Variants in NELL1 observed in about 807,000 individuals in gnomAD.
NELL1 encodes protein kinase C-binding protein NELL1.
Under a neutral mutation model 107.4 loss-of-function variants are expected in NELL1, and 76 were observed. The ratio of observed to expected loss-of-function variants is 0.71; its 90% CI spans 0.59 to 0.86. NELL1 has a LOEUF of 0.86. NELL1 is among the 40% of genes least tolerant of loss of function. The probability of loss-of-function intolerance (pLI) is 0.00; values close to 1 mark genes in which losing one functional copy is unlikely to be tolerated. For synonymous variants in NELL1, 353 were observed against 341.2 expected (o/e 1.03, Z -0.38); for missense variants, 1,024 against 1,005.5 (o/e 1.02, Z -0.25).
chr11:21,279,559 A>G (rs1162356730), intron 14 of NELL1, among the ~76,000 whole-genome samples: 1 of 152,214 alleles, frequency 6.6e-6, no homozygotes, highest in Non-Finnish European at 1.5e-5. Flanking sequence ...GACATACACT[A>G]CACACCTATT....
intron 13 of NELL1, among the ~76,000 whole-genome samples, chr11:21,184,292 G>T (rs1399971270): frequency 2.0e-5 from 3 of 151,550 alleles, no homozygotes; most frequent in Non-Finnish European, 4.4e-5. Context: ...TTTTTGAGAT[G>T]GAGTCTTGCT....
chr11:20,840,940 C>A (rs1256538527), intron 3 of NELL1, among the ~76,000 whole-genome samples: 1 of 152,154 alleles, frequency 6.6e-6, no homozygotes, highest in Non-Finnish European at 1.5e-5. Flanking sequence ...ATGCCTGCTG[C>A]CATTTCTTTT....
At chr11:20,850,365 G>A (rs1417793194) in intron 4 of NELL1, among the ~76,000 whole-genome samples, 1 of 152,186 alleles carries the variant, frequency 6.6e-6, no homozygotes, top group African/African-American at 2.4e-5. Flanking sequence ...GTAGTGTTCT[G>A]CTGATTAGAG....
intron 12 of NELL1, among the ~76,000 whole-genome samples, chr11:21,091,723 G>A (rs1854525881): frequency 6.6e-6 from 1 of 152,148 alleles, no homozygotes; most frequent in Non-Finnish European, 1.5e-5. Flanking sequence ...CATGTGTGCT[G>A]AGGGTTAAAG....
chr11:21,210,300 A>G (rs1857471924), intron 13 of NELL1, among the ~76,000 whole-genome samples: 1 of 152,158 alleles, frequency 6.6e-6, no homozygotes, highest in Admixed American at 6.6e-5. Flanking sequence ...TGTTTGAGGA[A>G]CTGCCAAACT....
At chr11:20,975,525 A>T (rs1216957046) in intron 12 of NELL1, among the ~76,000 whole-genome samples, 1 of 143,514 alleles carries the variant, frequency 7.0e-6, no homozygotes, top group African/African-American at 2.5e-5. Flanking sequence ...TTTAATATAT[A>T]TTCAATATAT....
chr11:21,108,811 G>T (rs2133720070), intron 12 of NELL1, among the ~76,000 whole-genome samples: 1 of 152,258 alleles, frequency 6.6e-6, no homozygotes, highest in East Asian at 1.9e-4. Context: ...GCACGGAGCA[G>T]AATTGCCATT....
rs936391463 is a variant in NELL1 at position 20,855,073 on chromosome 11, A to G, written c.506+7320A>G. Among the ~76,000 whole-genome samples, 27 of 152,290 alleles carry G rather than the reference A, an allele frequency of 1.8e-4. No individual in the cohort carries two copies. In the East Asian group the frequency reaches 5.0e-3, roughly 28 times the overall value. ...ACTCATGCTATGTACCCTGTGGCGT[A>G]TTCATATCAACCTCGCTAGGTGGAT... On this transcript the variant is annotated intron_variant, in intron 4 of 19. Coordinates refer to ENST00000357134, the MANE Select transcript of NELL1 (RefSeq NM_006157.5).
In NELL1 at chr11:21,575,049, A is replaced by G. The variant is rs1388938904; in HGVS notation, c.*27A>G. ...GTATTTACAGTGGACTCAACGCAGA[A>G]GAATGGACGAAATGACCATCCAACG... On this transcript the variant is annotated 3_prime_UTR_variant, in exon 20 of 20. Coordinates refer to ENST00000357134, the MANE Select transcript of NELL1 (RefSeq NM_006157.5). 6.3e-7 allele frequency: 1 copy of G among 1,578,020 alleles called. No homozygotes were observed. Among genetic ancestry groups the G allele is most frequent in the Non-Finnish European group, 8.7e-7 (1 of 1,148,250 alleles).
chr11:20,818,405 GCTT>G (rs1229586231), intron 3 of NELL1, among the ~76,000 whole-genome samples: 10 of 85,836 alleles, frequency 1.2e-4, no homozygotes, highest in African/African-American at 4.0e-4. Context: ...AGCAACCCCT[GCTT>G]TTTTTTTTTT....
At chr11:21,080,378 C>G (rs147854654) in intron 12 of NELL1, among the ~76,000 whole-genome samples, 1 of 151,922 alleles carries the variant, frequency 6.6e-6, no homozygotes, top group East Asian at 1.9e-4. Context: ...CATGAATATT[C>G]GGAAAATATG....
intron 12 of NELL1, among the ~76,000 whole-genome samples, chr11:21,082,057 G>A (rs957197542): frequency 1.3e-5 from 2 of 152,076 alleles, no homozygotes; most frequent in African/African-American, 2.4e-5. Context: ...AACTATTGTA[G>A]CTTAATACTT....
chr11:21,355,900 T>A (rs1437698705), intron 14 of NELL1, among the ~76,000 whole-genome samples: 1 of 152,168 alleles, frequency 6.6e-6, no homozygotes, highest in Non-Finnish European at 1.5e-5. Context: ...CACTACGTGA[T>A]CTGCACACTT....
intron 5 of NELL1, among the ~76,000 whole-genome samples, chr11:20,914,206 A>T (rs760979007): frequency 2.6e-5 from 4 of 152,122 alleles, no homozygotes; most frequent in Non-Finnish European, 5.9e-5. Context: ...AAGGTTAAGG[A>T]TGCACCCATG....
intron 12 of NELL1, among the ~76,000 whole-genome samples, chr11:21,111,525 C>T (rs964848379): frequency 6.6e-6 from 1 of 152,074 alleles, no homozygotes; most frequent in Non-Finnish European, 1.5e-5. Flanking sequence ...ATTTCTAGCT[C>T]ATGCAACAGG....
In NELL1 at chr11:21,180,107, C is replaced by G. The variant is rs185310708; in HGVS notation, c.1427-49225C>G. ...GGGGGCTCTGGATTTGCCCCCCATG[C>G]CATAGTTTGCAGACAAATTATTTAG... On this transcript the variant is annotated intron_variant, in intron 13 of 19. Coordinates refer to ENST00000357134, the MANE Select transcript of NELL1 (RefSeq NM_006157.5). Among the ~76,000 whole-genome samples, 200 of 151,398 alleles carry G rather than the reference C, an allele frequency of 1.3e-3. 1 individual carries two copies. In the Middle Eastern group the frequency reaches 0.017, roughly 13 times the overall value.
At chr11:20,783,965 G>A (rs1423476195) in intron 3 of NELL1, 135 bp downstream of exon 3, 3 of 783,058 alleles carry the variant, frequency 3.8e-6, no homozygotes, top group African/African-American at 3.6e-5. Context: ...ACACATTCAT[G>A]AATTTACTTT....
intron 13 of NELL1, among the ~76,000 whole-genome samples, chr11:21,125,381 A>G (rs892990985): frequency 3.3e-5 from 5 of 152,172 alleles, no homozygotes; most frequent in Non-Finnish European, 7.3e-5. Context: ...AACTAGCTCA[A>G]TGGTTTTCAG....
chr11:20,970,012 T>C (rs1564992362), intron 12 of NELL1, among the ~76,000 whole-genome samples: 1 of 144,542 alleles, frequency 6.9e-6, no homozygotes, highest in Non-Finnish European at 1.5e-5. Flanking sequence ...CACAGGTCTT[T>C]AGATCTTCAT....
Sources: gnomAD v4.1 joint callset for allele counts (sites outside exome capture counted in the v4.1 genomes callset) on GRCh38, gnomAD v4.1.1 for gene constraint, MANE v1.5 for transcripts, NCBI Gene and HGNC (gene_info 2026-07-23, HGNC 2026-07-21) for gene names.